Variants in MAGI2 observed in about 807,000 individuals in gnomAD.
MAGI2 encodes the protein membrane-associated guanylate kinase, WW and PDZ domain-containing protein 2.
MAGI2 carries 35 observed loss-of-function variants against 133.3 expected under a neutral mutation model. The ratio of observed to expected loss-of-function variants is 0.26; its 90% confidence interval spans 0.20 to 0.35. MAGI2 has a LOEUF of 0.35. MAGI2 is among the 10% of genes least tolerant of loss of function. MAGI2 has a pLI of 1.00. For missense variants in MAGI2, 1,636 were observed against 1,863.4 expected (o/e 0.88, Z 2.25); for synonymous variants, 729 against 710.6 (o/e 1.03, Z -0.41).
intron 1 of MAGI2, among the ~76,000 whole-genome samples, chr7:79,128,129 T>C (rs1183636703): frequency 6.6e-6 from 1 of 152,172 alleles, no homozygotes; most frequent in Non-Finnish European, 1.5e-5. Context: ...GCATTATTTC[T>C]GAGGGCTCTG....
At chr7:79,139,455 G>A (rs1202102289) in intron 1 of MAGI2, among the ~76,000 whole-genome samples, 2 of 152,138 alleles carry the variant, frequency 1.3e-5, no homozygotes, top group Non-Finnish European at 2.9e-5. Flanking sequence ...CAGAACATGT[G>A]CAGACACACA....
chr7:79,048,583 A>C (rs542027501), intron 1 of MAGI2, among the ~76,000 whole-genome samples: 38 of 152,206 alleles, frequency 2.5e-4, no homozygotes, highest in Non-Finnish European at 4.7e-4. Flanking sequence ...TTTCAGATAA[A>C]TTAGTATTCT....
At chr7:79,066,966 A>G (rs557967497) in intron 1 of MAGI2, among the ~76,000 whole-genome samples, 2 of 152,204 alleles carry the variant, frequency 1.3e-5, no homozygotes, top group African/African-American at 4.8e-5. Flanking sequence ...CCATTGGTCT[A>G]TATATCTGTT....
intron 16 of MAGI2, among the ~76,000 whole-genome samples, chr7:78,144,473 T>C (rs1481749149): frequency 6.6e-6 from 1 of 152,224 alleles, no homozygotes; most frequent in Non-Finnish European, 1.5e-5. Flanking sequence ...GGTTTTACTA[T>C]GTAAATCTTG....
chr7:78,573,358 TC>T (rs1424978305), intron 3 of MAGI2, among the ~76,000 whole-genome samples: 9 of 39,942 alleles, frequency 2.3e-4, no homozygotes, highest in African/African-American at 1.4e-3. Context: ...AGAGAGAGAA[TC>T]CTGGAAATAT....
intron 6 of MAGI2, among the ~76,000 whole-genome samples, chr7:78,459,355 CA>C (rs1021692053): frequency 2.6e-5 from 4 of 152,132 alleles, no homozygotes; most frequent in African/African-American, 9.7e-5. Context: ...GAGTCTTGAG[CA>C]AAAGGTAGTA....
intron 13 of MAGI2, among the ~76,000 whole-genome samples, chr7:78,178,954 C>T (rs1314814169): frequency 1.3e-5 from 2 of 152,158 alleles, no homozygotes; most frequent in Non-Finnish European, 2.9e-5. Context: ...TTAGAAGAAA[C>T]TAAAACTATT....
At chr7:78,607,092 G>A (rs568542675) in intron 3 of MAGI2, among the ~76,000 whole-genome samples, 4 of 152,210 alleles carry the variant, frequency 2.6e-5, no homozygotes, top group Admixed American at 1.3e-4. Context: ...TGTTATGTAT[G>A]TCTGTTTATT....
chr7:79,326,757 C>T (rs61075638), intron 1 of MAGI2, among the ~76,000 whole-genome samples: 7,208 of 151,816 alleles, frequency 0.047, 279 homozygotes, highest in African/African-American at 0.11. Context: ...GACATCTTAG[C>T]ACAACCAATA....
intron 14 of MAGI2, among the ~76,000 whole-genome samples, chr7:78,172,449 G>C (rs977216973): frequency 3.9e-5 from 6 of 152,186 alleles, no homozygotes; most frequent in Admixed American, 1.3e-4. Flanking sequence ...GTGTTTTCCA[G>C]ATCTCTCCCT....
intron 9 of MAGI2, among the ~76,000 whole-genome samples, chr7:78,327,366 C>T (rs964935469): frequency 6.6e-5 from 10 of 152,226 alleles, no homozygotes; most frequent in African/African-American, 2.2e-4. Flanking sequence ...GCAAAGGAAG[C>T]GAGTCCACTG....
At chr7:78,596,184 G>GAGGGAGGAAAGGAATGA (rs1804584568) in intron 3 of MAGI2, among the ~76,000 whole-genome samples, 1 of 120,244 alleles carries the variant, frequency 8.3e-6, no homozygotes, top group Non-Finnish European at 1.7e-5. Context: ...TGAAGGAAGG[G>GAGGGAGGAAAGGAATGA]AGGGAGGGAG....
chr7:79,212,464 T>C (rs1282108318), intron 1 of MAGI2, among the ~76,000 whole-genome samples: 2 of 152,104 alleles, frequency 1.3e-5, no homozygotes, highest in Admixed American at 6.5e-5. Context: ...TCCCAATAAA[T>C]AGGCTTTGAG....
rs533292374 is a variant in MAGI2, at chr7:79,149,038, G to GTA, written c.302-141834_302-141833dup. 9.3e-3 allele frequency among the ~76,000 whole-genome samples: 1,310 copies of GTA among 140,706 alleles called. 6 individuals carry two copies. The highest frequency in any genetic ancestry group is 0.031 in the Middle Eastern group (8 of 262). 92.3% of individuals were successfully genotyped at this position (140,706 alleles called of 152,430 possible). A position where few individuals can be genotyped will look rare whatever the true frequency, so the allele number is the denominator to read the frequency against. On this transcript the variant is annotated intron_variant, in intron 1 of 21. Coordinates refer to ENST00000354212, the MANE Select transcript of MAGI2 (RefSeq NM_012301.4). The stretch of plus-strand genomic sequence containing the variant: ...TTTAAATAGCACTAGATTTTAGGAA[G>GTA]TATATATATATATAATATAATATAA...
chr7:78,635,906 C>T (rs1172872549), intron 2 of MAGI2, among the ~76,000 whole-genome samples: 6 of 152,180 alleles, frequency 3.9e-5, no homozygotes, highest in East Asian at 1.9e-4. Flanking sequence ...CATTTTCAAT[C>T]ACATAAAATC....
At chr7:78,225,744 ACAGTC>A (rs1789309016) in intron 10 of MAGI2, among the ~76,000 whole-genome samples, 1 of 152,194 alleles carries the variant, frequency 6.6e-6, no homozygotes, top group African/African-American at 2.4e-5. Flanking sequence ...TTCTTTCTAA[ACAGTC>A]CAGTCCAGAC....
chr7:78,853,332 C>CTTTTTTTTTTTTTTTTTTT lies in MAGI2; in HGVS notation c.418+153739_418+153757dup, dbSNP rs60580466. Among the ~76,000 whole-genome samples the CTTTTTTTTTTTTTTTTTTT allele has an allele frequency of 4.8e-4, 12 of 25,076 alleles. 4 individuals carry two copies. The highest frequency in any genetic ancestry group is 7.2e-4 in the Non-Finnish European group (10 of 13,910). 16.5% of individuals were successfully genotyped at this position (25,076 alleles called of 152,430 possible). On this transcript the variant is annotated intron_variant, in intron 2 of 21. Coordinates refer to ENST00000354212, the MANE Select transcript of MAGI2 (RefSeq NM_012301.4). The stretch of plus-strand genomic sequence containing the variant: ...CTCATATTACTCTTGTCCATTCGTT[C>CTTTTTTTTTTTTTTTTTTT]TTTTTTTTTTTTTTTTTTTTTTTTT...
chr7:79,336,240 T>G (rs1205032141), intron 1 of MAGI2, among the ~76,000 whole-genome samples: 2 of 152,012 alleles, frequency 1.3e-5, no homozygotes, highest in Non-Finnish European at 1.5e-5. Flanking sequence ...TGAACTGAGG[T>G]TCAGGGAGGT....
At chr7:78,114,604 T>C (rs1286490074) in intron 20 of MAGI2, among the ~76,000 whole-genome samples, 1 of 152,164 alleles carries the variant, frequency 6.6e-6, no homozygotes, top group Non-Finnish European at 1.5e-5. Flanking sequence ...ACCTGGGTCC[T>C]GAGGAAGATA....
Sources: gnomAD v4.1 joint callset for allele counts (sites outside exome capture counted in the v4.1 genomes callset) on GRCh38, gnomAD v4.1.1 for gene constraint, MANE v1.5 for transcripts, NCBI Gene and HGNC (gene_info 2026-07-23, HGNC 2026-07-21) for gene names.